ELMO1: variants seen among roughly 807,000 people sequenced by gnomAD.
ELMO1 encodes engulfment and cell motility protein 1.
A neutral mutation model predicts 98.9 loss-of-function variants in ELMO1; 26 were observed. The observed-to-expected ratio is 0.26, with a 90% CI of 0.19 to 0.36. ELMO1 has a LOEUF of 0.36. Ranked by LOEUF, ELMO1 falls within the 10% of genes least tolerant of loss-of-function variation. ELMO1 has a pLI of 1.00. For missense variants in ELMO1, 627 were observed against 935.2 expected (o/e 0.67, Z 4.30); for synonymous variants, 346 against 346.0 (o/e 1.00, Z 0.00).
chr7:37,252,158 A>G (rs1795384222), intron 6 of ELMO1, among the ~76,000 whole-genome samples: 1 of 152,266 alleles, frequency 6.6e-6, no homozygotes, highest in African/African-American at 2.4e-5. Context: ...CATACTGCCC[A>G]AAGTAATTTA....
intron 15 of ELMO1, among the ~76,000 whole-genome samples, chr7:37,052,776 C>A (rs572820606): frequency 6.6e-6 from 1 of 152,328 alleles, no homozygotes; most frequent in African/African-American, 2.4e-5. Context: ...GAGGTGCAAC[C>A]TGAATTGCTG....
At chr7:37,372,062 AC>A (rs546001892) in intron 1 of ELMO1, among the ~76,000 whole-genome samples, 156 of 152,278 alleles carry the variant, frequency 1.0e-3, no homozygotes, top group African/African-American at 3.6e-3. Context: ...GCCGGTAATT[AC>A]CATTTAGTCA....
At chr7:37,351,082 T>G (rs769742266) in intron 1 of ELMO1, 1 of 152,200 alleles carries the variant, frequency 6.6e-6, no homozygotes, top group African/African-American at 2.4e-5. Flanking sequence ...GCCTGATGAT[T>G]TGATACAAGC....
intron 16 of ELMO1, among the ~76,000 whole-genome samples, chr7:36,968,148 CT>C (rs1257288393): frequency 1.3e-5 from 2 of 151,876 alleles, no homozygotes; most frequent in Non-Finnish European, 2.9e-5. Context: ...TAATTCCATG[CT>C]TTTTTTTCTA....
At chr7:36,939,067 AT>A (rs1242872860) in intron 16 of ELMO1, among the ~76,000 whole-genome samples, 2 of 152,176 alleles carry the variant, frequency 1.3e-5, no homozygotes, top group Non-Finnish European at 2.9e-5. Context: ...TAAAAAAAAA[AT>A]GAACATGTAT....
chr7:36,981,884 G>A (rs1791082437), intron 16 of ELMO1, among the ~76,000 whole-genome samples: 1 of 152,222 alleles, frequency 6.6e-6, no homozygotes, highest in Non-Finnish European at 1.5e-5. Flanking sequence ...TACCAGAGCA[G>A]GTGGTCCAGG....
intron 1 of ELMO1, among the ~76,000 whole-genome samples, chr7:37,447,412 C>CG (rs1406400639): frequency 2.0e-5 from 3 of 151,874 alleles, no homozygotes; most frequent in Admixed American, 6.6e-5. Context: ...TGATCCAGCG[C>CG]GGGGGGCATC....
At chr7:37,058,624 T>C (rs551029524) in intron 15 of ELMO1, among the ~76,000 whole-genome samples, 133 of 152,266 alleles carry the variant, frequency 8.7e-4, no homozygotes, top group African/African-American at 2.9e-3. Context: ...TTGAAGGTTC[T>C]ATGAGGGCTC....
chr7:36,971,410 A>C (rs1789939505), intron 16 of ELMO1, among the ~76,000 whole-genome samples: 1 of 152,234 alleles, frequency 6.6e-6, no homozygotes, highest in African/African-American at 2.4e-5. Context: ...TTTAAAGTCA[A>C]ACTGAGCTTG....
At chr7:37,173,503 G>A (rs13225050) in intron 13 of ELMO1, among the ~76,000 whole-genome samples, 11,181 of 152,324 alleles carry the variant, frequency 0.073, 463 homozygotes, top group Middle Eastern at 0.13. Context: ...ATTAAGTAGT[G>A]AAGCTACATT....
At chr7:37,333,181 T>C (rs1286038002) in intron 2 of ELMO1, among the ~76,000 whole-genome samples, 2 of 152,226 alleles carry the variant, frequency 1.3e-5, no homozygotes, top group East Asian at 1.9e-4. Context: ...TTGGTCTATA[T>C]ACTCCTAAAG....
chr7:37,209,609 G>C (rs1584812209), intron 13 of ELMO1, among the ~76,000 whole-genome samples: 1 of 152,210 alleles, frequency 6.6e-6, no homozygotes, highest in East Asian at 1.9e-4. Context: ...TTGAGGGTAA[G>C]AGAGATTGGG....
intron 1 of ELMO1, among the ~76,000 whole-genome samples, chr7:37,394,768 T>C (rs1803221768): frequency 6.6e-6 from 1 of 152,092 alleles, no homozygotes; most frequent in Non-Finnish European, 1.5e-5. Flanking sequence ...GTTAAGTGCA[T>C]GGCAGTGGGG....
At chr7:36,880,125 C>G (rs1244631362) in intron 18 of ELMO1, among the ~76,000 whole-genome samples, 1 of 152,208 alleles carries the variant, frequency 6.6e-6, no homozygotes, top group Non-Finnish European at 1.5e-5. Context: ...ATAAAGTTTT[C>G]CTTTCCTTGC....
At chr7:36,939,920 A>G (rs1435188624) in intron 16 of ELMO1, among the ~76,000 whole-genome samples, 1 of 152,264 alleles carries the variant, frequency 6.6e-6, no homozygotes, top group Non-Finnish European at 1.5e-5. Context: ...GCAAACCAGT[A>G]TGAATGAATT....
chr7:37,376,623 C>T lies in ELMO1; in HGVS notation c.-73-33860G>A, dbSNP rs1376439694. 2.6e-5 allele frequency among the ~76,000 whole-genome samples: 4 copies of T among 152,074 alleles called. No homozygotes were observed. The East Asian group carries it at 5.8e-4, about 22-fold the overall frequency. On this transcript the variant is annotated intron_variant, in intron 1 of 21. Transcript: ENST00000310758. ...TGACTCAGCGCATGAAGACAGTTTT[C>T]GACACTCCTGTGAGTTCATCTACAA... is the stretch of plus-strand genomic sequence containing the variant.
At chr7:37,078,693 A>G (rs1287168720) in intron 15 of ELMO1, among the ~76,000 whole-genome samples, 2 of 152,208 alleles carry the variant, frequency 1.3e-5, no homozygotes, top group Non-Finnish European at 2.9e-5. Context: ...ATGGAATTAC[A>G]AGGATGTTCA....
intron 1 of ELMO1, among the ~76,000 whole-genome samples, chr7:37,369,063 C>T (rs951770070): frequency 1.3e-5 from 2 of 152,088 alleles, no homozygotes; most frequent in African/African-American, 4.8e-5. Context: ...TTAAAGAACA[C>T]CAAAATAAAC....
chr7:37,320,282 G>GAA (rs145701267), intron 2 of ELMO1, among the ~76,000 whole-genome samples: 3 of 118,792 alleles, frequency 2.5e-5, no homozygotes, highest in Non-Finnish European at 1.8e-5. Flanking sequence ...TGTCTCAAAA[G>GAA]AAAAAAAAAA....
Sources: allele counts gnomAD v4.1 joint callset (sites outside exome capture counted in the v4.1 genomes callset), GRCh38; gene constraint gnomAD v4.1.1; transcripts MANE v1.5; gene names NCBI Gene and HGNC (gene_info 2026-07-23, HGNC 2026-07-21).